Variants in PIGB observed in about 807,000 individuals in gnomAD.
The protein encoded by PIGB is phosphatidylinositol glycan anchor biosynthesis class B, also known as GPI alpha-1,2-mannosyltransferase 3.
A neutral mutation model predicts 68.4 loss-of-function variants in PIGB; 58 were observed. That is an observed-to-expected ratio of 0.85 (90% CI 0.69 to 1.06). The LOEUF is 1.06. PIGB is among the 50% of genes least tolerant of loss of function. The pLI is 0.00. For synonymous variants in PIGB, 219 were observed against 220.5 expected (o/e 0.99, Z 0.06); for missense variants, 634 against 655.8 (o/e 0.97, Z 0.36).
At chr15:55,347,077 T>C (rs1595799685) in intron 9 of PIGB, among the ~76,000 whole-genome samples, 1 of 152,262 alleles carries the variant, frequency 6.6e-6, no homozygotes, top group African/African-American at 2.4e-5. Context: ...ACTGAAATTA[T>C]AAAGATATTT....
chr15:55,352,010 G>C (rs188243188), intron 10 of PIGB: 2 of 148,336 alleles, frequency 1.3e-5, no homozygotes, highest in Admixed American at 1.4e-4. Flanking sequence ...GTGCAATGGC[G>C]TGATCTTGGC....
At chr15:55,321,833 G>A (rs1595766266) in intron 3 of PIGB, among the ~76,000 whole-genome samples, 1 of 148,108 alleles carries the variant, frequency 6.8e-6, no homozygotes, top group Non-Finnish European at 1.5e-5. Context: ...TGTATTTTTA[G>A]TAGAGATGGG....
intron 6 of PIGB, among the ~76,000 whole-genome samples, chr15:55,339,022 C>T (rs1337573405): frequency 6.6e-6 from 1 of 152,304 alleles, no homozygotes; most frequent in East Asian, 1.9e-4. Context: ...ATTTGTTATA[C>T]AGCAGTAGTC....
At position 55,321,405 on chromosome 15, in the gene PIGB, A is replaced by G; in HGVS notation, c.417+15A>G. ...TTCAGTTGCTGGTAAGTTTAAATAAAAGTAACTAAATGATATTGGGGCCAT... is the reference window on the plus strand; with the variant it reads ...TTCAGTTGCTGGTAAGTTTAAATAAGAGTAACTAAATGATATTGGGGCCAT... On this transcript the variant is annotated intron_variant, in intron 3 of 11. Transcript: ENST00000164305. The G allele has an allele frequency of 1.9e-6, 3 of 1,564,012 alleles. No individual in the cohort carries two copies. The highest frequency in any genetic ancestry group is 1.7e-6 in the Non-Finnish European group (2 of 1,154,858).
intron 3 of PIGB, among the ~76,000 whole-genome samples, chr15:55,322,222 T>C (rs2055185197): frequency 6.6e-6 from 1 of 152,094 alleles, no homozygotes; most frequent in East Asian, 1.9e-4. Context: ...TTGTATTTTG[T>C]GTTTTTTACC....
chr15:55,333,589 G>A (rs767269222), intron 5 of PIGB, among the ~76,000 whole-genome samples: 9 of 152,018 alleles, frequency 5.9e-5, no homozygotes, highest in South Asian at 2.1e-4. Flanking sequence ...AAAATTAGTC[G>A]GGCATGGTGG....
intron 5 of PIGB, among the ~76,000 whole-genome samples, chr15:55,332,569 C>A (rs1020517811): frequency 1.3e-5 from 2 of 151,854 alleles, no homozygotes; most frequent in African/African-American, 4.8e-5. Context: ...GACAGGGTTT[C>A]ACCATTTTGG....
In PIGB at chr15:55,319,247, A is replaced by G. The variant is rs747523200; in HGVS notation, c.-4A>G. 2 of 1,603,346 alleles carry G rather than the reference A, an allele frequency of 1.2e-6. No individual in the cohort carries two copies. The highest frequency in any genetic ancestry group is 1.1e-5 in the South Asian group (1 of 88,500). On this transcript the variant is annotated 5_prime_UTR_variant, in exon 1 of 12. Transcript: ENST00000164305. ...CTTCCGCCTTAGGAAGGTGGCGGCC[A>G]GGGATGAGGAGGCCCCTAAGCAAGT...
At chr15:55,341,942 T>TC (rs1479363006) in intron 9 of PIGB, 140 bp downstream of exon 9, 2 of 368,860 alleles carry the variant, frequency 5.4e-6, no homozygotes, top group Non-Finnish European at 9.6e-6. Context: ...ACTGCAATAT[T>TC]CCCTTTTTGT....
Position 55,320,388 on chromosome 15 carries a change from G to A in PIGB, c.277G>A (p.Val93Ile). 2 of 1,613,610 alleles carry A rather than the reference G, an allele frequency of 1.2e-6. No individual in the cohort carries two copies. Among genetic ancestry groups the A allele is most frequent in the Non-Finnish European group, 1.7e-6 (2 of 1,179,734 alleles). ...AGATGAATACTGGCAGTCTCTTGAA[G>A]TTTCACATCACATGGTTTTCAAATA... The part of the protein sequence containing the change: ...VPDEYWQSLE[V>I]SHHMVFNYGY... Residue 93 changes from valine (V) to isoleucine (I), a missense_variant, in exon 2 of 12, where the codon GTT becomes ATT. Physicochemically the swap from Val to Ile is conservative, Grantham distance 29. Coordinates refer to ENST00000164305, the MANE Select transcript of PIGB (RefSeq NM_004855.5).
In PIGB at chr15:55,351,183, C is replaced by T. The variant is rs180888290; in HGVS notation, c.1337+271C>T. On this transcript the variant is annotated intron_variant, in intron 10 of 11. Transcript: ENST00000164305. ...AGTGCAGTGGCGCGATCTCGGCTCACTGCAAGCTCCGCCTCCCAGGTTCAC... is the reference window on the plus strand; with the variant it reads ...AGTGCAGTGGCGCGATCTCGGCTCATTGCAAGCTCCGCCTCCCAGGTTCAC... Among the ~76,000 whole-genome samples, 1,200 of 150,268 alleles carry T rather than the reference C, an allele frequency of 8.0e-3. 13 individuals carry two copies. Among genetic ancestry groups the T allele is most frequent in the African/African-American group, 0.028 (1,128 of 40,586 alleles).
chr15:55,351,402 C>T (rs949478172), intron 10 of PIGB, among the ~76,000 whole-genome samples: 1 of 151,868 alleles, frequency 6.6e-6, no homozygotes, highest in Non-Finnish European at 1.5e-5. Flanking sequence ...CCACCGTGCT[C>T]GGCCGTAAAC....
chr15:55,346,342 T>A (rs1820316521), intron 9 of PIGB: 1 of 152,234 alleles, frequency 6.6e-6, no homozygotes, highest in Non-Finnish European at 1.5e-5. Flanking sequence ...ATGAACATGA[T>A]CTGATAGGAG....
intron 10 of PIGB, among the ~76,000 whole-genome samples, chr15:55,353,310 A>G (rs547148186): frequency 6.6e-6 from 1 of 152,340 alleles, no homozygotes; most frequent in South Asian, 2.1e-4. Flanking sequence ...TAGAAAGACT[A>G]GAGTAGGCCG....
chr15:55,324,272 G>A (rs2055230110), intron 3 of PIGB, among the ~76,000 whole-genome samples: 1 of 152,090 alleles, frequency 6.6e-6, no homozygotes, highest in Non-Finnish European at 1.5e-5. Flanking sequence ...ATGGAATGAG[G>A]AGCTACCAAC....
chr15:55,340,676 G>A lies in PIGB; in HGVS notation c.911G>A (p.Gly304Asp), dbSNP rs1416153897. The change falls in exon 8 of 12, where the codon GGT becomes GAT. Residue 304 changes from glycine (G) to aspartate (D), a missense_variant. By Grantham distance (94) the Gly-to-Asp change is moderately conservative. Transcript: ENST00000164305. The stretch of plus-strand genomic sequence containing the variant: ...CTGCAGAACTGGGGAACATTTTATG[G>A]TTCTCATCCATGGCACTGGTACTTC... ...NVLQNWGTFY[G>D]SHPWHWYFSQ... 2 of 1,612,816 alleles carry A rather than the reference G, an allele frequency of 1.2e-6. No homozygotes were observed. The highest frequency in any genetic ancestry group is 1.1e-5 in the South Asian group (1 of 90,768).
chr15:55,329,985 T>C (rs1287612257), intron 5 of PIGB, 131 bp downstream of exon 5: 7 of 594,234 alleles, frequency 1.2e-5, no homozygotes, highest in Non-Finnish European at 2.0e-5. Flanking sequence ...TTTCAGTTGA[T>C]ATATTATAGC....
intron 6 of PIGB, among the ~76,000 whole-genome samples, chr15:55,337,846 T>C (rs2055572442): frequency 6.6e-6 from 1 of 152,164 alleles, no homozygotes; most frequent in South Asian, 2.1e-4. Context: ...TGTAAAGGAA[T>C]GAACTACAGC....
chr15:55,320,236 CT>C, intron 1 of PIGB, 38 bp from the exon 2 acceptor site: 1 of 1,593,750 alleles, frequency 6.3e-7, no homozygotes, highest in Non-Finnish European at 8.6e-7. Context: ...AACTGCCTGA[CT>C]TTTGTGCCAC....
Sources: allele counts gnomAD v4.1 joint callset (sites outside exome capture counted in the v4.1 genomes callset), GRCh38; gene constraint gnomAD v4.1.1; transcripts MANE v1.5; gene names NCBI Gene and HGNC (gene_info 2026-07-23, HGNC 2026-07-21).